Variants in TNNI3K observed in about 807,000 individuals in gnomAD.
TNNI3K encodes the protein serine/threonine-protein kinase TNNI3K.
Under a neutral mutation model 114.5 loss-of-function variants are expected in TNNI3K, and 140 were observed. That is an observed-to-expected ratio of 1.22 (90% CI 1.07 to 1.41). The LOEUF (loss-of-function observed/expected upper bound fraction) is 1.41. Ranked by LOEUF, TNNI3K falls within the 40% of genes most tolerant of loss-of-function variation. The probability of loss-of-function intolerance (pLI) is 0.00; values close to 1 mark genes in which losing one functional copy is unlikely to be tolerated. For synonymous variants in TNNI3K, 347 were observed against 347.5 expected (o/e 1.00, Z 0.02); for missense variants, 1,125 against 1,007.6 (o/e 1.12, Z -1.58).
rs770602682 is a variant in TNNI3K, at chr1:74,456,300, C to T, written c.2012-7141C>T. On this transcript the variant is annotated intron_variant, in intron 20 of 24. Transcript: ENST00000326637. The stretch of plus-strand genomic sequence containing the variant: ...TTAACCATCATGATAATGATGGATA[C>T]AAGAAAAGGAGCAGATTTATGAGGG... Among the ~76,000 whole-genome samples, 4 of 151,952 alleles carry T rather than the reference C, an allele frequency of 2.6e-5. No individual in the cohort carries two copies. The East Asian group carries it at 7.8e-4, about 29-fold the overall frequency.
At chr1:74,416,087 G>T (rs1665102886) in intron 17 of TNNI3K, among the ~76,000 whole-genome samples, 2 of 152,188 alleles carry the variant, frequency 1.3e-5, no homozygotes, top group South Asian at 4.1e-4. Flanking sequence ...GGAGGAAGGT[G>T]CTGTACGTGG....
chr1:74,258,755 T>C (rs988135063), intron 4 of TNNI3K, among the ~76,000 whole-genome samples: 11 of 152,222 alleles, frequency 7.2e-5, no homozygotes, highest in Admixed American at 5.2e-4. Context: ...CTTTCCATAC[T>C]CTTTTCCTGT....
At chr1:74,526,106 G>C (rs1646501414) in intron 23 of TNNI3K, among the ~76,000 whole-genome samples, 1 of 152,206 alleles carries the variant, frequency 6.6e-6, no homozygotes, top group Admixed American at 6.5e-5. Flanking sequence ...ATTTCAAATG[G>C]TTTGTGAAGA....
intron 21 of TNNI3K, among the ~76,000 whole-genome samples, chr1:74,473,237 T>G (rs1409113077): frequency 6.6e-6 from 1 of 152,122 alleles, no homozygotes; most frequent in Non-Finnish European, 1.5e-5. Flanking sequence ...TCTTATAACT[T>G]TTACAGATGA....
chr1:74,530,566 G>T (rs1158622715), intron 23 of TNNI3K, among the ~76,000 whole-genome samples: 1 of 152,080 alleles, frequency 6.6e-6, no homozygotes, highest in Non-Finnish European at 1.5e-5. Context: ...AGAATTCTAG[G>T]TTATAGTCTT....
At chr1:74,291,313 T>C (rs554724114) in intron 5 of TNNI3K, among the ~76,000 whole-genome samples, 16 of 151,814 alleles carry the variant, frequency 1.1e-4, no homozygotes, top group African/African-American at 3.1e-4. Flanking sequence ...ATCAAAGGCA[T>C]ATTTTTGTGA....
intron 17 of TNNI3K, among the ~76,000 whole-genome samples, chr1:74,429,460 G>A (rs756057542): frequency 1.2e-4 from 18 of 152,160 alleles, no homozygotes; most frequent in Non-Finnish European, 2.2e-4. Context: ...TCAGTGTATG[G>A]GAGTCTTATG....
intron 23 of TNNI3K, among the ~76,000 whole-genome samples, chr1:74,521,474 C>T (rs1427478136): frequency 8.8e-6 from 1 of 113,684 alleles, no homozygotes; most frequent in African/African-American, 3.0e-5. Context: ...TTATCTCTCT[C>T]ACACACACAC....
chr1:74,452,023 A>G (rs1667050091), intron 20 of TNNI3K, among the ~76,000 whole-genome samples: 1 of 152,010 alleles, frequency 6.6e-6, no homozygotes, highest in South Asian at 2.1e-4. Context: ...AACCTGATAT[A>G]TTACCATTGC....
chr1:74,444,046 G>A lies in TNNI3K; in HGVS notation c.2011+4424G>A, dbSNP rs1039142478. Among the ~76,000 whole-genome samples, 9 of 152,132 alleles carry A rather than the reference G, an allele frequency of 5.9e-5. No individual in the cohort carries two copies. The East Asian group carries it at 9.7e-4, about 16-fold the overall frequency. ...GAGCCATTTATGACATACCCACAGCGAATATCATACTGAATGGGCAAAAGC... is the reference window on the plus strand; with the variant it reads ...GAGCCATTTATGACATACCCACAGCAAATATCATACTGAATGGGCAAAAGC... On this transcript the variant is annotated intron_variant, in intron 20 of 24. Coordinates refer to ENST00000326637, the MANE Select transcript of TNNI3K (RefSeq NM_015978.3).
chr1:74,316,828 T>C (rs2100368762), intron 5 of TNNI3K, among the ~76,000 whole-genome samples: 1 of 151,146 alleles, frequency 6.6e-6, no homozygotes, highest in African/African-American at 2.4e-5. Context: ...TAGCTGGGAC[T>C]ACAGGCGCCT....
rs1047020450 is a variant in TNNI3K, at chr1:74,271,692, T to A, written c.428T>A (p.Ile143Lys). 2.1e-5 allele frequency: 34 copies of A among 1,607,432 alleles called. No individual in the cohort carries two copies. Among genetic ancestry groups the A allele is most frequent in the Non-Finnish European group, 2.8e-5 (33 of 1,176,270 alleles). The change falls in exon 5 of 25, where the codon ATA becomes AAA. Residue 143 changes from isoleucine to lysine, a missense_variant. By Grantham distance (102) the Ile-to-Lys change is moderately radical (BLOSUM62 -3). Coordinates refer to ENST00000326637, the MANE Select transcript of TNNI3K (RefSeq NM_015978.3). Reference sequence around the variant, plus strand: ...CTCACTGCCCTCCATATTGCTACAATAGCTGGCCACCTAGAGGTAAGTCAT... The same window carrying A: ...CTCACTGCCCTCCATATTGCTACAAAAGCTGGCCACCTAGAGGTAAGTCAT... ...GGLTALHIAT[I>K]AGHLEAADVL...
intron 20 of TNNI3K, among the ~76,000 whole-genome samples, chr1:74,445,203 T>C (rs892265682): frequency 6.0e-5 from 7 of 117,580 alleles, no homozygotes; most frequent in African/African-American, 2.1e-4. Context: ...CTAAAGAACT[T>C]CTTTTTTTTT....
At chr1:74,336,596 T>C (rs1037704443) in intron 7 of TNNI3K, among the ~76,000 whole-genome samples, 11 of 150,716 alleles carry the variant, frequency 7.3e-5, no homozygotes, top group South Asian at 2.1e-4. Context: ...TGAGAATATG[T>C]GGTGTTTGGT....
intron 23 of TNNI3K, among the ~76,000 whole-genome samples, chr1:74,517,202 A>C (rs6691271): frequency 2.0e-5 from 3 of 152,140 alleles, no homozygotes; most frequent in Admixed American, 6.5e-5. Flanking sequence ...TTAAAAAAAA[A>C]GGTTAATAAC....
chr1:74,381,658 C>T (rs1294018942), intron 17 of TNNI3K, among the ~76,000 whole-genome samples: 1 of 152,132 alleles, frequency 6.6e-6, no homozygotes, highest in Non-Finnish European at 1.5e-5. Flanking sequence ...TCATTAAGAC[C>T]TCTCACTCCT....
At chr1:74,477,223 T>G (rs956133938) in intron 21 of TNNI3K, among the ~76,000 whole-genome samples, 1 of 152,158 alleles carries the variant, frequency 6.6e-6, no homozygotes, top group Admixed American at 6.6e-5. Flanking sequence ...GTAAGAAAAC[T>G]CAAGATTCAA....
intron 11 of TNNI3K, among the ~76,000 whole-genome samples, chr1:74,355,314 G>C (rs1661594766): frequency 6.6e-6 from 1 of 152,120 alleles, no homozygotes; most frequent in Non-Finnish European, 1.5e-5. Flanking sequence ...TCTGACTAAA[G>C]TGGGATATGG....
At chr1:74,353,829 C>T (rs1008555533) in intron 10 of TNNI3K, 151 bp from the exon 11 acceptor site, 34 of 1,164,558 alleles carry the variant, frequency 2.9e-5, no homozygotes, top group Non-Finnish European at 1.8e-5. Flanking sequence ...CTCGTTTGGT[C>T]AATAATAAAA....
Sources: gnomAD v4.1 joint callset for allele counts (sites outside exome capture counted in the v4.1 genomes callset) on GRCh38, gnomAD v4.1.1 for gene constraint, MANE v1.5 for transcripts, NCBI Gene and HGNC (gene_info 2026-07-23, HGNC 2026-07-21) for gene names.